SDK1: variants seen among roughly 807,000 people sequenced by gnomAD.
SDK1 encodes the protein sidekick cell adhesion molecule 1.
SDK1 carries 157 observed loss-of-function variants against 245.5 expected under a neutral mutation model. The ratio of observed to expected loss-of-function variants is 0.64; its 90% confidence interval spans 0.56 to 0.73. The LOEUF is 0.73. Among genes scored for constraint, SDK1 ranks in the 30% least tolerant of loss-of-function variants. The pLI is 0.00. For missense variants in SDK1, 3,583 were observed against 3,002.3 expected (o/e 1.19, Z -4.52); for synonymous variants, 1,647 against 1,278.5 (o/e 1.29, Z -6.15).
chr7:3,491,238 G>T (rs73038584), intron 1 of SDK1, among the ~76,000 whole-genome samples: 15,665 of 152,262 alleles, frequency 0.1, 1,184 homozygotes, highest in African/African-American at 0.21. Context: ...GGAGCCCATC[G>T]TTCCTTAAGC....
chr7:3,369,668 C>T (rs1781175542), intron 1 of SDK1, among the ~76,000 whole-genome samples: 1 of 152,134 alleles, frequency 6.6e-6, no homozygotes, highest in South Asian at 2.1e-4. Context: ...TCATTTATGT[C>T]ACTGAAGAGT....
At chr7:3,916,846 T>C (rs1174020224) in intron 5 of SDK1, among the ~76,000 whole-genome samples, 7 of 152,198 alleles carry the variant, frequency 4.6e-5, no homozygotes, top group Non-Finnish European at 1.0e-4. Context: ...GACAGACAGA[T>C]TGTCAGGGAG....
chr7:4,255,358 G>A (rs1021707445), intron 44 of SDK1, among the ~76,000 whole-genome samples: 1 of 152,204 alleles, frequency 6.6e-6, no homozygotes, highest in African/African-American at 2.4e-5. Flanking sequence ...GGACCTCTGT[G>A]TCACTGCATC....
chr7:3,789,952 T>C (rs1781029518), intron 4 of SDK1, among the ~76,000 whole-genome samples: 1 of 151,728 alleles, frequency 6.6e-6, no homozygotes, highest in Admixed American at 6.6e-5. Context: ...GCAGGAGTGG[T>C]GGGAAGTTTA....
intron 4 of SDK1, among the ~76,000 whole-genome samples, chr7:3,675,760 C>G (rs1783872699): frequency 6.6e-6 from 1 of 152,132 alleles, no homozygotes; most frequent in Non-Finnish European, 1.5e-5. Flanking sequence ...AATTCCTGGC[C>G]TCAAGTGATC....
intron 5 of SDK1, among the ~76,000 whole-genome samples, chr7:3,894,822 G>A (rs1167429308): frequency 6.7e-6 from 1 of 149,790 alleles, no homozygotes; most frequent in Non-Finnish European, 1.5e-5. Flanking sequence ...TCAGCCTCCC[G>A]AGTAGCTGGT....
intron 1 of SDK1, among the ~76,000 whole-genome samples, chr7:3,499,446 G>C (rs1191142942): frequency 6.6e-6 from 1 of 152,132 alleles, no homozygotes; most frequent in African/African-American, 2.4e-5. Flanking sequence ...GCAAAGTTGA[G>C]CTCCAAACTA....
chr7:3,314,727 TA>T (rs1005465641), intron 1 of SDK1, among the ~76,000 whole-genome samples: 2 of 152,252 alleles, frequency 1.3e-5, no homozygotes, highest in African/African-American at 4.8e-5. Flanking sequence ...GTTATGCTTT[TA>T]TATAGATGAA....
At chr7:4,151,057 G>A (rs965782335) in intron 30 of SDK1, among the ~76,000 whole-genome samples, 1 of 152,186 alleles carries the variant, frequency 6.6e-6, no homozygotes, top group African/African-American at 2.4e-5. Context: ...GGACGGTCAT[G>A]GCCATGGATG....
Position 3,499,200 on chromosome 7 carries a change from C to T in SDK1, c.299-119880C>T, listed in dbSNP as rs190192405. Among the ~76,000 whole-genome samples, 16 of 152,284 alleles carry T rather than the reference C, an allele frequency of 1.1e-4. No individual in the cohort carries two copies. The East Asian group carries it at 3.1e-3, about 29-fold the overall frequency. The stretch of plus-strand genomic sequence containing the variant: ...TACGCATTTCAGCAATAATGGTGTC[C>T]TTAAGATCGACATCTTTCCGGATTC... On this transcript the variant is annotated intron_variant, in intron 1 of 44. Transcript: ENST00000404826.
intron 22 of SDK1, among the ~76,000 whole-genome samples, chr7:4,092,352 C>T (rs948075654): frequency 6.6e-6 from 1 of 152,186 alleles, no homozygotes. Context: ...GGTTCTCATT[C>T]CCCAGCCACT....
chr7:3,318,697 T>C (rs1332157582), intron 1 of SDK1, among the ~76,000 whole-genome samples: 1 of 152,210 alleles, frequency 6.6e-6, no homozygotes, highest in Non-Finnish European at 1.5e-5. Context: ...TTTTACTTTT[T>C]GAGTTTTCTT....
intron 4 of SDK1, among the ~76,000 whole-genome samples, chr7:3,784,789 T>A (rs1168153083): frequency 6.6e-6 from 1 of 152,186 alleles, no homozygotes; most frequent in Admixed American, 6.5e-5. Context: ...TGGAAAACTA[T>A]GTGGAGATTC....
intron 41 of SDK1, among the ~76,000 whole-genome samples, chr7:4,234,272 G>T (rs1245668715): frequency 6.6e-6 from 1 of 152,200 alleles, no homozygotes; most frequent in Non-Finnish European, 1.5e-5. Context: ...GCACACCTTC[G>T]CTGTGAGGTA....
At chr7:3,827,569 C>T (rs79445769) in intron 5 of SDK1, among the ~76,000 whole-genome samples, 2,802 of 152,300 alleles carry the variant, frequency 0.018, 97 homozygotes, top group African/African-American at 0.063. Context: ...GTCTACAAAA[C>T]GAGGTGGGAC....
intron 9 of SDK1, among the ~76,000 whole-genome samples, chr7:3,965,786 G>T (rs1431611798): frequency 6.6e-6 from 1 of 152,018 alleles, no homozygotes; most frequent in Non-Finnish European, 1.5e-5. Context: ...CCCCCAGACA[G>T]TGTGGCTGCC....
intron 1 of SDK1, among the ~76,000 whole-genome samples, chr7:3,406,392 A>G (rs941503031): frequency 3.3e-5 from 5 of 152,000 alleles, no homozygotes; most frequent in Non-Finnish European, 5.9e-5. Flanking sequence ...CTGTGGAGTT[A>G]CTCGTTGTGT....
chr7:3,785,429 A>G (rs1284614927), intron 4 of SDK1, among the ~76,000 whole-genome samples: 4 of 152,332 alleles, frequency 2.6e-5, no homozygotes, highest in African/African-American at 7.2e-5. Flanking sequence ...TTATTAATCA[A>G]TCATAACATT....
At chr7:3,899,234 C>T (rs1288583046) in intron 5 of SDK1, among the ~76,000 whole-genome samples, 3 of 152,154 alleles carry the variant, frequency 2.0e-5, no homozygotes, top group Non-Finnish European at 2.9e-5. Flanking sequence ...GTATGTATCA[C>T]CCTCAGTCTC....
Sources: allele counts gnomAD v4.1 joint callset (sites outside exome capture counted in the v4.1 genomes callset), GRCh38; gene constraint gnomAD v4.1.1; transcripts MANE v1.5; gene names NCBI Gene and HGNC (gene_info 2026-07-23, HGNC 2026-07-21).